The following ANKRD26 variants were observed in gnomAD, a reference collection of about 807,000 sequenced individuals.
The protein encoded by ANKRD26 is ankyrin repeat domain-containing protein 26.
ANKRD26 carries 141 observed loss-of-function variants against 208.7 expected under a neutral mutation model. The observed-to-expected ratio is 0.68, with a 90% CI of 0.59 to 0.78. ANKRD26 has a LOEUF of 0.78. Among genes scored for constraint, ANKRD26 ranks in the 30% least tolerant of loss-of-function variants. ANKRD26 has a pLI of 0.00. For missense variants in ANKRD26, 1,889 were observed against 1,938.7 expected (o/e 0.97, Z 0.48); for synonymous variants, 636 against 660.4 (o/e 0.96, Z 0.57).
In ANKRD26 at chr10:27,048,946, C is replaced by A; in HGVS notation, c.1669G>T (p.Glu557Ter). The stretch of plus-strand genomic sequence containing the variant: ...TGTATGTTTGCTGATACTTCCATTT[C>A]ATTATTTCTGTGTTTTTTCCTTTCT... ...EEERKKHRNN[E>*]MEVSANIHDG... The change falls in exon 17 of 34, where the codon GAA becomes TAA. Residue 557 changes from glutamate (E) to a stop codon, truncating the protein, a stop_gained. Transcript: ENST00000376087. LOFTEE classifies it high-confidence loss of function. The A allele has an allele frequency of 1.2e-6, 2 of 1,608,200 alleles. No individual in the cohort carries two copies. The highest frequency in any genetic ancestry group is 1.7e-6 in the Non-Finnish European group (2 of 1,176,804).
intron 5 of ANKRD26, among the ~76,000 whole-genome samples, chr10:26,992,469 T>C (rs866598818): frequency 2.9e-5 from 4 of 136,310 alleles, no homozygotes; most frequent in Admixed American, 7.4e-5. Flanking sequence ...TACACACACG[T>C]ACACACACAC....
chr10:27,061,948 T>G (rs2055072724), intron 12 of ANKRD26: 1 of 985,116 alleles, frequency 1.0e-6, no homozygotes, highest in South Asian at 4.7e-5. Flanking sequence ...CATGCCCTCC[T>G]GCTTGCAATA....
chr10:27,026,917 G>A (rs1304397475), intron 27 of ANKRD26, among the ~76,000 whole-genome samples: 1 of 151,986 alleles, frequency 6.6e-6, no homozygotes, highest in African/African-American at 2.4e-5. Flanking sequence ...CTCCTGAGTA[G>A]TAGGATTACA....
chr10:26,963,968 G>C, the ANKRD26 span, among the ~76,000 whole-genome samples: 5 of 131,276 alleles, frequency 3.8e-5, no homozygotes, highest in Non-Finnish European at 7.8e-5. Context: ...CTGGAGTGCA[G>C]TGATGCGTTC....
chr10:27,060,447 T>C, intron 14 of ANKRD26, 30 bp from the exon 15 acceptor site: 4 of 1,575,260 alleles, frequency 2.5e-6, no homozygotes, highest in Non-Finnish European at 3.5e-6. Flanking sequence ...AAATGATTAA[T>C]AAATAATGTA....
At position 27,040,178 on chromosome 10, in the gene ANKRD26, T is replaced by A. The variant is rs762391361; in HGVS notation, c.2162A>T (p.Asp721Val). Reference protein sequence around the residue: ...LIEQLGMECKDSVSLLKIQDA... With the variant: ...LIEQLGMECKVSVSLLKIQDA... Reference sequence around the variant, plus strand: ...CTGGATTTTCAATAGGCTAACAGAATCTGTATCAGGAAGAAAACAAGATAG... The same window carrying A: ...CTGGATTTTCAATAGGCTAACAGAAACTGTATCAGGAAGAAAACAAGATAG... The change falls in exon 21 of 34, where the codon GAT becomes GTT. Residue 721 changes from aspartate to valine, a missense_variant and splice_region_variant. Physicochemically the swap from Asp to Val is radical, Grantham distance 152. This residue lies in a region of ANKRD26 where 1,272 missense variants were observed against 1,273.8 expected (regional missense o/e 1.00). Coordinates refer to ENST00000376087, the MANE Select transcript of ANKRD26 (RefSeq NM_014915.3). The A allele has an allele frequency of 6.2e-7, 1 of 1,605,276 alleles. No individual in the cohort carries two copies. The highest frequency in any genetic ancestry group is 8.5e-7 in the Non-Finnish European group (1 of 1,173,244).
chr10:27,072,274 G>A (rs2055531957), intron 9 of ANKRD26, among the ~76,000 whole-genome samples: 1 of 152,234 alleles, frequency 6.6e-6, no homozygotes, highest in East Asian at 1.9e-4. Flanking sequence ...GCCTTGCCAA[G>A]CCCGTGCTGC....
chr10:27,058,021 C>T (rs1324611739), intron 15 of ANKRD26, among the ~76,000 whole-genome samples: 1 of 151,448 alleles, frequency 6.6e-6, no homozygotes, highest in East Asian at 1.9e-4. Context: ...TCTAGGTGCA[C>T]ACTTGATCCA....
chr10:27,067,629 G>A (rs1294355706), intron 9 of ANKRD26, among the ~76,000 whole-genome samples: 5 of 152,104 alleles, frequency 3.3e-5, no homozygotes, highest in African/African-American at 1.2e-4. Context: ...GGGAGGTGCT[G>A]CACACTTTTA....
the ANKRD26 span, among the ~76,000 whole-genome samples, chr10:26,958,052 A>AG: frequency 6.7e-6 from 1 of 149,260 alleles, no homozygotes; most frequent in Non-Finnish European, 1.5e-5. Flanking sequence ...TTTACTGCAC[A>AG]GATCATCCCA....
rs545099268 is a variant in ANKRD26, at chr10:27,100,261, G to T, written c.66C>A (p.Ser22Arg). 7.4e-6 allele frequency: 12 copies of T among 1,610,988 alleles called. No individual in the cohort carries two copies. The South Asian group carries it at 1.2e-4, about 16-fold the overall frequency. ...PLGSFARRQR[S>R]SAGGGGEPGE... ...CCGGCTCGCCCCCGCCTCCCGCGCT[G>T]CTCCTCTGCCGCCGCGCGAAGGAGC... The change falls in exon 1 of 34, where the codon AGC (serine) becomes AGA (arginine). Residue 22 changes from serine to arginine, a missense_variant. Around this residue, in one of 3 missense-constraint regions of ANKRD26, gnomAD observed 1,272 missense variants for 1,273.8 expected, o/e 1.00. Transcript: ENST00000376087.
At chr10:26,987,506 G>C (rs1348835090), downstream of ANKRD26, among the ~76,000 whole-genome samples, 1 of 152,166 alleles carries the variant, frequency 6.6e-6, no homozygotes, top group African/African-American at 2.4e-5. Context: ...GGCATAGCCT[G>C]TTCTAACATT....
intron 9 of ANKRD26, among the ~76,000 whole-genome samples, chr10:27,074,586 CAGG>C (rs1385410185): frequency 2.6e-5 from 4 of 152,110 alleles, no homozygotes; most frequent in Middle Eastern, 3.4e-3. Flanking sequence ...GGGGCTGAAG[CAGG>C]AGAAGTGCTT....
At chr10:26,968,767 A>C in the ANKRD26 span, among the ~76,000 whole-genome samples, 28 of 152,222 alleles carry the variant, frequency 1.8e-4, no homozygotes, top group Non-Finnish European at 7.3e-5. Context: ...TAGTTAGTAG[A>C]ATTTAGCTAG....
At position 27,048,834 on chromosome 10, in the gene ANKRD26, T is replaced by C. The variant is rs747031290; in HGVS notation, c.1781A>G (p.Gln594Arg). 1.2e-6 allele frequency: 2 copies of C among 1,613,314 alleles called. No homozygotes were observed. The highest frequency in any genetic ancestry group is 3.3e-5 in the Admixed American group (2 of 59,990). The part of the protein sequence containing the change: ...KRKSGETDHQ[Q>R]FPRKENKEYA... ...CTCTTTATTTTCCTTCCTGGGAAAT[T>C]GCTGATGATCAGTTTCTCCACTCTT... Residue 594 changes from glutamine to arginine, a missense_variant, in exon 17 of 34, where the codon CAA (glutamine) becomes CGA (arginine). Gln to Arg is a conservative substitution (Grantham distance 43). This residue lies in a region of ANKRD26 where 1,272 missense variants were observed against 1,273.8 expected (regional missense o/e 1.00). Coordinates refer to ENST00000376087, the MANE Select transcript of ANKRD26 (RefSeq NM_014915.3).
intron 9 of ANKRD26, among the ~76,000 whole-genome samples, chr10:27,072,187 AC>A (rs979191815): frequency 7.9e-5 from 12 of 152,204 alleles, no homozygotes; most frequent in African/African-American, 2.9e-4. Context: ...ATGGCCTGGG[AC>A]AATTTTGAGT....
In ANKRD26 at chr10:27,024,563, T is replaced by A; in HGVS notation, c.3973-4A>T. Reference sequence around the variant, plus strand: ...ATTGTTCCTTTTCATCTTCAGACTTTGAAACAAAATATTTTCAATTACTTT... The same window carrying A: ...ATTGTTCCTTTTCATCTTCAGACTTAGAAACAAAATATTTTCAATTACTTT... On this transcript the variant is annotated splice_polypyrimidine_tract_variant and splice_region_variant and intron_variant, in intron 27 of 33. Coordinates refer to ENST00000376087, the MANE Select transcript of ANKRD26 (RefSeq NM_014915.3). 1 of 1,443,010 alleles carries A rather than the reference T, an allele frequency of 6.9e-7. No individual in the cohort carries two copies. The allele number at this position is 1,443,010 out of a possible 1,614,324, so 89.4% of individuals were successfully genotyped here. A position where few individuals can be genotyped will look rare whatever the true frequency, so the allele number is the denominator to read the frequency against.
rs1260736692 is a variant in ANKRD26, at chr10:27,035,293, A to C, written c.3157T>G (p.Ser1053Ala). The C allele has an allele frequency of 1.2e-6, 2 of 1,613,888 alleles. No homozygotes were observed. The highest frequency in any genetic ancestry group is 1.7e-6 in the Non-Finnish European group (2 of 1,179,876). Reference protein sequence around the residue: ...RLQDKMNFDVSNLKDNNEILS... With the variant: ...RLQDKMNFDVANLKDNNEILS... ...ATCTCATTGTTATCTTTTAGGTTAG[A>C]CACATCAAAATTCATTTTGTCCTGT... Residue 1053 changes from serine to alanine, a missense_variant, in exon 24 of 34, where the codon TCT (serine) becomes GCT (alanine). This residue lies in a region of ANKRD26 where 1,272 missense variants were observed against 1,273.8 expected (regional missense o/e 1.00). Transcript: ENST00000376087.
intron 20 of ANKRD26, among the ~76,000 whole-genome samples, chr10:27,042,488 T>A (rs1460096273): frequency 6.6e-6 from 1 of 151,976 alleles, no homozygotes; most frequent in Non-Finnish European, 1.5e-5. Flanking sequence ...GCGTGGTGGC[T>A]CACGCCTGTA....
Sources: allele counts gnomAD v4.1 joint callset (sites outside exome capture counted in the v4.1 genomes callset), GRCh38; gene constraint gnomAD v4.1.1; regional missense constraint gnomAD v4.1.1; transcripts MANE v1.5; gene names NCBI Gene and HGNC (gene_info 2026-07-23, HGNC 2026-07-21).